PTPRD: variants seen among roughly 807,000 people sequenced by gnomAD.
PTPRD encodes receptor-type tyrosine-protein phosphatase delta.
PTPRD carries 34 observed loss-of-function variants against 214.5 expected under a neutral mutation model. The ratio of observed to expected loss-of-function variants is 0.16; its 90% CI spans 0.12 to 0.21. PTPRD has a LOEUF of 0.21. Among genes scored for constraint, PTPRD ranks in the 10% least tolerant of loss-of-function variants. The pLI is 1.00. For missense variants in PTPRD, 2,545 were observed against 2,398.7 expected, an observed-to-expected ratio of 1.06 and a Z score of -1.27; for synonymous variants, 1,128 against 845.7, an observed-to-expected ratio of 1.33 and a Z score of -5.79.
chr9:8,509,359 A>G (rs779751689), intron 21 of PTPRD, among the ~76,000 whole-genome samples: 2 of 152,208 alleles, frequency 1.3e-5, no homozygotes, highest in Admixed American at 1.3e-4. Flanking sequence ...TTCACATGAT[A>G]AAAGGGTTTC....
intron 7 of PTPRD, among the ~76,000 whole-genome samples, chr9:9,656,733 G>A (rs2096525252): frequency 6.6e-6 from 1 of 152,108 alleles, no homozygotes; most frequent in African/African-American, 2.4e-5. Flanking sequence ...AGAAGATGCA[G>A]CAAGAGTGAA....
intron 4 of PTPRD, among the ~76,000 whole-genome samples, chr9:9,996,382 AG>A (rs2096123403): frequency 6.6e-6 from 1 of 152,224 alleles, no homozygotes; most frequent in Non-Finnish European, 1.5e-5. Context: ...ATAAGCTCTC[AG>A]TATGGGAGAG....
intron 5 of PTPRD, among the ~76,000 whole-genome samples, chr9:9,930,886 T>C (rs1271284963): frequency 6.6e-6 from 1 of 152,156 alleles, no homozygotes; most frequent in Non-Finnish European, 1.5e-5. Context: ...CTCAAATTTC[T>C]TTCCTTTTAA....
At chr9:8,505,686 A>G (rs1028112694) in intron 22 of PTPRD, among the ~76,000 whole-genome samples, 3 of 151,858 alleles carry the variant, frequency 2.0e-5, no homozygotes, top group Non-Finnish European at 4.4e-5. Flanking sequence ...AAAACTAGAG[A>G]AACCATCCCT....
chr9:10,131,008 C>A (rs994350342), intron 3 of PTPRD, among the ~76,000 whole-genome samples: 1 of 152,004 alleles, frequency 6.6e-6, no homozygotes, highest in Non-Finnish European at 1.5e-5. Context: ...CCATCAAATG[C>A]AAGATAAAAG....
chr9:10,354,093 T>C lies in PTPRD; in HGVS notation c.-599-13076A>G, dbSNP rs148429057. 3.9e-5 allele frequency among the ~76,000 whole-genome samples: 6 copies of C among 152,202 alleles called. No individual in the cohort carries two copies. In the East Asian group the frequency reaches 9.6e-4, roughly 24 times the overall value. On this transcript the variant is annotated intron_variant, in intron 2 of 45. Transcript: ENST00000381196. ...GCACTTCCAAAATACATTATCCTCC[T>C]ACCCTCTCAAGTACTAGCCATTTAA...
At chr9:9,708,308 T>C (rs1459331207) in intron 7 of PTPRD, among the ~76,000 whole-genome samples, 3 of 152,090 alleles carry the variant, frequency 2.0e-5, no homozygotes, top group African/African-American at 7.2e-5. Context: ...AGAATGGCAA[T>C]TCTCTTCCCT....
intron 3 of PTPRD, among the ~76,000 whole-genome samples, chr9:10,319,020 T>C (rs1022786418): frequency 2.6e-5 from 4 of 152,010 alleles, no homozygotes; most frequent in African/African-American, 9.7e-5. Context: ...TTCCCCTCTT[T>C]CTCCCCTTCC....
chr9:9,313,150 T>C (rs753157643), intron 9 of PTPRD, among the ~76,000 whole-genome samples: 1 of 152,170 alleles, frequency 6.6e-6, no homozygotes, highest in Non-Finnish European at 1.5e-5. Flanking sequence ...CTATCTCAAT[T>C]AGCCTATGAT....
intron 8 of PTPRD, among the ~76,000 whole-genome samples, chr9:9,400,841 C>A (rs1378424539): frequency 6.6e-6 from 1 of 151,958 alleles, no homozygotes; most frequent in African/African-American, 2.4e-5. Flanking sequence ...TTCCTGAGAA[C>A]CTTTCAGATG....
chr9:9,462,799 G>A (rs1413370728), intron 8 of PTPRD, among the ~76,000 whole-genome samples: 2 of 152,126 alleles, frequency 1.3e-5, no homozygotes, highest in Non-Finnish European at 2.9e-5. Flanking sequence ...AATAGAGATG[G>A]AAATTTTGGT....
intron 7 of PTPRD, among the ~76,000 whole-genome samples, chr9:9,655,361 G>A (rs1368656025): frequency 2.6e-5 from 4 of 152,128 alleles, no homozygotes; most frequent in Admixed American, 6.5e-5. Context: ...CCTGAGGTCA[G>A]GAGTTCAAGA....
chr9:8,329,647 T>TGA (rs1342626978), intron 44 of PTPRD, among the ~76,000 whole-genome samples: 1 of 152,038 alleles, frequency 6.6e-6, no homozygotes, highest in African/African-American at 2.4e-5. Context: ...TTTGTCCCAG[T>TGA]GAGATGGGGG....
chr9:9,031,500 A>G (rs529294525), intron 10 of PTPRD, among the ~76,000 whole-genome samples: 2 of 152,166 alleles, frequency 1.3e-5, no homozygotes, highest in South Asian at 4.1e-4. Flanking sequence ...ATATTTGTGT[A>G]TCTAAACATA....
intron 33 of PTPRD, among the ~76,000 whole-genome samples, chr9:8,456,688 G>C (rs542505162): frequency 1.3e-5 from 2 of 152,118 alleles, no homozygotes; most frequent in Non-Finnish European, 2.9e-5. Flanking sequence ...GCAGGAAAAG[G>C]CTGGAAAAAC....
chr9:10,510,410 T>A (rs541718044), intron 2 of PTPRD, among the ~76,000 whole-genome samples: 1 of 152,242 alleles, frequency 6.6e-6, no homozygotes, highest in Admixed American at 6.5e-5. Flanking sequence ...TTCCCTCTCC[T>A]CAGAAATTTC....
intron 39 of PTPRD, among the ~76,000 whole-genome samples, chr9:8,369,668 C>T (rs2080940857): frequency 1.3e-5 from 2 of 151,778 alleles, no homozygotes; most frequent in Admixed American, 6.6e-5. Flanking sequence ...GATCTATCCC[C>T]TTTTCAATTT....
chr9:10,469,056 T>A (rs2099013279), intron 2 of PTPRD, among the ~76,000 whole-genome samples: 1 of 152,096 alleles, frequency 6.6e-6, no homozygotes, highest in African/African-American at 2.4e-5. Context: ...AAAATTATCC[T>A]CTTTAAAGAT....
At chr9:10,018,247 A>G (rs2154115827) in intron 4 of PTPRD, among the ~76,000 whole-genome samples, 2 of 151,752 alleles carry the variant, frequency 1.3e-5, no homozygotes, top group South Asian at 2.1e-4. Context: ...AAAGGAAAGG[A>G]AAAAAAAATC....
Sources: gnomAD v4.1 joint callset for allele counts (sites outside exome capture counted in the v4.1 genomes callset) on GRCh38, gnomAD v4.1.1 for gene constraint, MANE v1.5 for transcripts, NCBI Gene and HGNC (gene_info 2026-07-23, HGNC 2026-07-21) for gene names.